GRIN2B: variants seen among roughly 807,000 people sequenced by gnomAD.
GRIN2B encodes the protein glutamate receptor ionotropic, NMDA 2B.
Under a neutral mutation model 114.5 loss-of-function variants are expected in GRIN2B, and 5 were observed. That is an observed-to-expected ratio of 0.04 (90% confidence interval 0.02 to 0.09). The LOEUF is 0.09. Among genes scored for constraint, GRIN2B ranks in the 10% least tolerant of loss-of-function variants. GRIN2B has a pLI of 1.00. For missense variants in GRIN2B, 1,108 were observed against 1,943.5 expected, an observed-to-expected ratio of 0.57 and a Z score of 8.08; for synonymous variants, 787 against 745.1, an observed-to-expected ratio of 1.06 and a Z score of -0.92.
chr12:13,862,078 A>G (rs1865761774), intron 3 of GRIN2B, among the ~76,000 whole-genome samples: 1 of 151,794 alleles, frequency 6.6e-6, no homozygotes, highest in African/African-American at 2.4e-5. Context: ...TCCAGCTTGG[A>G]CTCTAAATTC....
chr12:13,622,668 C>G (rs1392085604), intron 5 of GRIN2B, among the ~76,000 whole-genome samples: 2 of 152,078 alleles, frequency 1.3e-5, no homozygotes, highest in Admixed American at 1.3e-4. Flanking sequence ...TATAAAGGTG[C>G]TGGCATCTGG....
At chr12:13,949,424 T>C (rs1436872126) in intron 2 of GRIN2B, among the ~76,000 whole-genome samples, 2 of 152,148 alleles carry the variant, frequency 1.3e-5, no homozygotes, top group African/African-American at 4.8e-5. Flanking sequence ...CCAGGGTTGC[T>C]ACAGGTTTCC....
chr12:13,806,969 A>T (rs1864611807), intron 3 of GRIN2B, among the ~76,000 whole-genome samples: 1 of 152,152 alleles, frequency 6.6e-6, no homozygotes, highest in African/African-American at 2.4e-5. Flanking sequence ...AAAATTACTC[A>T]AAGTGCCATG....
chr12:13,891,388 G>A (rs1016637987), intron 2 of GRIN2B, among the ~76,000 whole-genome samples: 2 of 151,948 alleles, frequency 1.3e-5, no homozygotes, highest in Non-Finnish European at 2.9e-5. Context: ...TCAAAGCCCT[G>A]AAAAAATTAC....
intron 2 of GRIN2B, among the ~76,000 whole-genome samples, chr12:13,977,683 G>A (rs183418023): frequency 6.7e-4 from 102 of 152,186 alleles, no homozygotes; most frequent in Non-Finnish European, 6.9e-4. Flanking sequence ...AAAAGGGGGC[G>A]AGAACAAAGG....
chr12:13,873,665 C>A (rs11055657), intron 2 of GRIN2B, among the ~76,000 whole-genome samples: 16,913 of 152,100 alleles, frequency 0.11, 1,042 homozygotes, highest in South Asian at 0.16. Flanking sequence ...GAGTCTGGGG[C>A]ATGGAGGCAG....
intron 10 of GRIN2B, among the ~76,000 whole-genome samples, chr12:13,584,956 A>G (rs911362925): frequency 6.6e-6 from 1 of 152,184 alleles, no homozygotes; most frequent in African/African-American, 2.4e-5. Context: ...GGAGGGTACA[A>G]GGGATTGTTC....
intron 3 of GRIN2B, among the ~76,000 whole-genome samples, chr12:13,794,492 C>A (rs1864381092): frequency 6.6e-6 from 1 of 152,102 alleles, no homozygotes; most frequent in Non-Finnish European, 1.5e-5. Context: ...TACTGTGAAC[C>A]ACTCCCCACT....
At chr12:13,745,905 G>C (rs901154026) in intron 4 of GRIN2B, among the ~76,000 whole-genome samples, 8 of 152,032 alleles carry the variant, frequency 5.3e-5, no homozygotes, top group African/African-American at 1.9e-4. Context: ...TTTCATTCCT[G>C]CTTTTTAATC....
rs1352986353 is a variant in GRIN2B, at chr12:13,556,726, G to C, written c.*6057C>G. The C allele has an allele frequency of 1.3e-5, 2 of 152,120 alleles. No homozygotes were observed. The highest frequency in any genetic ancestry group is 2.9e-5 in the Non-Finnish European group (2 of 68,028). 9.4% of individuals were successfully genotyped at this position (152,120 alleles called of 1,614,324 possible). On this transcript the variant is annotated 3_prime_UTR_variant, in exon 14 of 14. Transcript: ENST00000609686. ...CACACCAGAGTGCCAAGGCTCTGAG[G>C]AATTCTACTCATCTACTCTGCTTTT...
At chr12:13,866,615 A>G (rs972375886) in intron 2 of GRIN2B, among the ~76,000 whole-genome samples, 1 of 152,166 alleles carries the variant, frequency 6.6e-6, no homozygotes, top group Non-Finnish European at 1.5e-5. Flanking sequence ...GGCCAGACAA[A>G]GTGAGCAGAA....
At chr12:13,628,272 G>A (rs1248777658) in intron 5 of GRIN2B, among the ~76,000 whole-genome samples, 4 of 152,088 alleles carry the variant, frequency 2.6e-5, no homozygotes, top group South Asian at 2.1e-4. Flanking sequence ...TGGAAACAGC[G>A]CCACCATGCA....
chr12:13,887,521 G>A lies in GRIN2B; in HGVS notation c.-18-21295C>T, dbSNP rs543428260. Among the ~76,000 whole-genome samples the A allele has an allele frequency of 3.3e-5, 5 of 152,020 alleles. No homozygotes were observed. In the South Asian group the frequency reaches 6.3e-4, roughly 19 times the overall value. ...TCAACAGAACTCATACAAAAGGATC[G>A]GCAAAAGATAGCATGAATGGAAGTA... On this transcript the variant is annotated intron_variant, in intron 2 of 13. Transcript: ENST00000609686.
At chr12:13,583,771 T>G (rs911687261) in intron 10 of GRIN2B, among the ~76,000 whole-genome samples, 3 of 152,070 alleles carry the variant, frequency 2.0e-5, no homozygotes, top group Admixed American at 2.0e-4. Flanking sequence ...CACTGGGACG[T>G]GAGCATGGCA....
intron 5 of GRIN2B, among the ~76,000 whole-genome samples, chr12:13,668,015 A>G (rs1338715630): frequency 2.6e-5 from 4 of 152,188 alleles, no homozygotes; most frequent in African/African-American, 9.7e-5. Context: ...TAAAATAAAA[A>G]TTAGAAAAAA....
chr12:13,723,174 T>C (rs1338754916), intron 4 of GRIN2B, among the ~76,000 whole-genome samples: 1 of 151,960 alleles, frequency 6.6e-6, no homozygotes, highest in African/African-American at 2.4e-5. Flanking sequence ...AGTTCTGGGA[T>C]ACATGTACAG....
chr12:13,803,916 C>T (rs1179333085), intron 3 of GRIN2B, among the ~76,000 whole-genome samples: 2 of 152,174 alleles, frequency 1.3e-5, no homozygotes, highest in Non-Finnish European at 2.9e-5. Context: ...TTTGTCCCAA[C>T]CAGCCATTTT....
At chr12:13,833,159 T>C (rs1212093320) in intron 3 of GRIN2B, among the ~76,000 whole-genome samples, 1 of 152,146 alleles carries the variant, frequency 6.6e-6, no homozygotes, top group Non-Finnish European at 1.5e-5. Flanking sequence ...AAAATTATCA[T>C]CCCCTGAACT....
chr12:13,718,311 G>A (rs1446464207), intron 4 of GRIN2B, among the ~76,000 whole-genome samples: 1 of 152,042 alleles, frequency 6.6e-6, no homozygotes, highest in Non-Finnish European at 1.5e-5. Flanking sequence ...TTCAAGGTGA[G>A]GAGACAAAGC....
Sources: allele counts gnomAD v4.1 joint callset (sites outside exome capture counted in the v4.1 genomes callset), GRCh38; gene constraint gnomAD v4.1.1; transcripts MANE v1.5; gene names NCBI Gene and HGNC (gene_info 2026-07-23, HGNC 2026-07-21).